MBP: variants seen among roughly 807,000 people sequenced by gnomAD.
MBP encodes Golli-MBP.
In MBP, 16 loss-of-function variants were observed where a neutral mutation model predicts 35.8. The observed-to-expected ratio is 0.45, with a 90% CI of 0.30 to 0.68. The LOEUF is 0.68. Among genes scored for constraint, MBP ranks in the 30% least tolerant of loss-of-function variants. MBP has a pLI of 0.08. For missense variants in MBP, 380 were observed against 404.7 expected, an observed-to-expected ratio of 0.94 and a Z score of 0.52; for synonymous variants, 143 against 159.6, an observed-to-expected ratio of 0.90 and a Z score of 0.78.
chr18:76,987,058 G>T, intron 7 of MBP: 1 of 985,460 alleles, frequency 1.0e-6, no homozygotes, highest in Non-Finnish European at 1.2e-6. Flanking sequence ...ACAGACATTA[G>T]TAGGACCCAA....
At position 76,989,608 on chromosome 18, in the gene MBP, G is replaced by A. The variant is rs1223433572; in HGVS notation, c.681+348C>T. 2 of 294,814 alleles carry A rather than the reference G, an allele frequency of 6.8e-6. No homozygotes were observed. Among genetic ancestry groups the A allele is most frequent in the Middle Eastern group, 1.1e-3 (1 of 892 alleles). 18.3% of individuals were successfully genotyped at this position (294,814 alleles called of 1,614,324 possible). A position where few individuals can be genotyped will look rare whatever the true frequency, so the allele number is the denominator to read the frequency against. On this transcript the variant is annotated intron_variant, in intron 5 of 8. Coordinates refer to ENST00000355994, the MANE Select transcript of MBP (RefSeq NM_001025101.2). The surrounding 1 kb of genome is among the most constrained non-coding windows in gnomAD (Gnocchi z 4.0). ...CCGAAAAATGCCCTAAAAATGCCCT[G>A]TGCTCTCTCTGCTGCCCCCTCCGCT... is the stretch of plus-strand genomic sequence containing the variant.
chr18:77,000,567 TTTGA>T (rs1366071416), intron 4 of MBP, among the ~76,000 whole-genome samples: 1 of 152,208 alleles, frequency 6.6e-6, no homozygotes, highest in African/African-American at 2.4e-5. Context: ...CATTAGGCTG[TTTGA>T]TTGCATGATT....
chr18:77,025,061 T>C (rs1291538277), intron 3 of MBP, among the ~76,000 whole-genome samples: 2 of 152,132 alleles, frequency 1.3e-5, no homozygotes, highest in Non-Finnish European at 2.9e-5. Flanking sequence ...GTGGTTTTAG[T>C]AGCCCTTTTA....
In MBP at chr18:77,101,658, CT is replaced by C. The variant is rs577613396; in HGVS notation, c.51+3552del. Among the ~76,000 whole-genome samples the C allele has an allele frequency of 4.6e-5, 7 of 152,182 alleles. No individual in the cohort carries two copies. The highest frequency in any genetic ancestry group is 1.0e-4 in the Non-Finnish European group (7 of 68,032). ...TAACACTGCAACTCCAGAAAAGTGT[CT>C]TTTTTTCACCAATCAGAGACATTCC... On this transcript the variant is annotated intron_variant, in intron 2 of 8. Coordinates refer to ENST00000355994, the MANE Select transcript of MBP (RefSeq NM_001025101.2). This position sits in a 1 kb window ranked among gnomAD's most constrained non-coding sequence, Gnocchi z 4.3.
At chr18:77,094,213 A>G (rs1026560690) in intron 2 of MBP, among the ~76,000 whole-genome samples, 2 of 152,172 alleles carry the variant, frequency 1.3e-5, no homozygotes, top group African/African-American at 4.8e-5. Context: ...TGACCTCGTG[A>G]TCTGCCTGCC....
chr18:77,052,571 A>T (rs1973532918), intron 3 of MBP, among the ~76,000 whole-genome samples: 1 of 152,222 alleles, frequency 6.6e-6, no homozygotes, highest in Non-Finnish European at 1.5e-5. Context: ...TTTGAAGGCC[A>T]GGATCGCTTA....
intron 3 of MBP, among the ~76,000 whole-genome samples, chr18:77,028,647 CGGGG>C (rs1972359942): frequency 1.5e-5 from 1 of 67,620 alleles, no homozygotes; most frequent in Non-Finnish European, 3.6e-5. Context: ...CCCTCCCGGA[CGGGG>C]CAGCTGGCTG....
chr18:77,008,081 C>T (rs1303340782), intron 4 of MBP, among the ~76,000 whole-genome samples: 8 of 152,212 alleles, frequency 5.3e-5, no homozygotes, highest in African/African-American at 1.9e-4. Flanking sequence ...CTGAGGACAG[C>T]GTGCCTCTCG....
intron 2 of MBP, among the ~76,000 whole-genome samples, chr18:77,070,209 T>TG (rs1974383416): frequency 6.6e-6 from 1 of 152,198 alleles, no homozygotes; most frequent in Non-Finnish European, 1.5e-5. Context: ...GGATGGGTCC[T>TG]GGCAGCTCAG....
intron 8 of MBP, chr18:76,980,858 C>G (rs1445099858): frequency 4.9e-6 from 1 of 204,608 alleles, no homozygotes; most frequent in African/African-American, 2.3e-5. Flanking sequence ...CTGCCAGCGA[C>G]AACAGGAGCA....
intron 1 of MBP, among the ~76,000 whole-genome samples, chr18:77,116,503 C>T (rs1976664888): frequency 2.0e-5 from 3 of 152,170 alleles, no homozygotes; most frequent in Non-Finnish European, 4.4e-5. Flanking sequence ...CAGCCAGCAT[C>T]GACGGGGCGC....
chr18:77,131,077 ACGCACGCG>A lies in MBP; in HGVS notation c.-26+1495_-26+1502del, dbSNP rs370946498. Among the ~76,000 whole-genome samples the A allele has an allele frequency of 0.34, 45,193 of 132,908 alleles. 8,225 individuals are homozygous for A. The highest frequency in any genetic ancestry group is 0.44 in the South Asian group (1,854 of 4,238). The allele number at this position is 132,908 out of a possible 152,430, so 87.2% of individuals were successfully genotyped here. A position where few individuals can be genotyped will look rare whatever the true frequency, so the allele number is the denominator to read the frequency against. Reference sequence around the variant, plus strand: ...AAAAACAAAACACACACACGCGCGCACGCACGCGCACACACACACACACACACACACAC... The same window carrying A: ...AAAAACAAAACACACACACGCGCGCACACACACACACACACACACACACAC... On this transcript the variant is annotated intron_variant, in intron 1 of 8. Transcript: ENST00000355994. The surrounding 1 kb of genome is among the most constrained non-coding windows in gnomAD (Gnocchi z 5.5).
chr18:77,065,975 A>G (rs1974178317), intron 3 of MBP: 3 of 259,762 alleles, frequency 1.2e-5, no homozygotes, highest in Admixed American at 9.7e-5. Context: ...CTCTCACTTC[A>G]GCCTCCCAAG....
intron 4 of MBP, among the ~76,000 whole-genome samples, chr18:76,997,828 T>A (rs1395933350): frequency 1.3e-5 from 2 of 152,036 alleles, no homozygotes; most frequent in African/African-American, 4.8e-5. Context: ...GACTAGAGGC[T>A]CCGCCACCAC....
intron 2 of MBP, among the ~76,000 whole-genome samples, chr18:77,096,882 G>A (rs1478907567): frequency 2.1e-4 from 32 of 152,244 alleles, no homozygotes; most frequent in Non-Finnish European, 4.4e-5. Context: ...AGTTTCATAT[G>A]AGAAAAAGAA....
At chr18:77,054,859 T>A (rs1486566526) in intron 3 of MBP, among the ~76,000 whole-genome samples, 1 of 152,134 alleles carries the variant, frequency 6.6e-6, no homozygotes, top group African/African-American at 2.4e-5. Context: ...CATGCACACA[T>A]CCTGTTTTCT....
chr18:77,043,461 G>A (rs1973095106), intron 3 of MBP, among the ~76,000 whole-genome samples: 1 of 152,210 alleles, frequency 6.6e-6, no homozygotes, highest in Non-Finnish European at 1.5e-5. Flanking sequence ...ATTTCTGAGT[G>A]CTGGTTATCG....
At position 76,979,852 on chromosome 18, in the gene MBP, C is replaced by T. The variant is rs1177265894; in HGVS notation, c.*575G>A. Reference sequence around the variant, plus strand: ...CCCACGTTGGACTCTAACAGCTGCCCAGCCCGCATGTCACATACCAAAAGC... The same window carrying T: ...CCCACGTTGGACTCTAACAGCTGCCTAGCCCGCATGTCACATACCAAAAGC... On this transcript the variant is annotated 3_prime_UTR_variant, in exon 9 of 9. Coordinates refer to ENST00000355994, the MANE Select transcript of MBP (RefSeq NM_001025101.2). 1 of 661,544 alleles carries T rather than the reference C, an allele frequency of 1.5e-6. No individual in the cohort carries two copies. Among genetic ancestry groups the T allele is most frequent in the Non-Finnish European group, 2.7e-6 (1 of 366,012 alleles). 41.0% of individuals were successfully genotyped at this position (661,544 alleles called of 1,614,324 possible). A position where few individuals can be genotyped will look rare whatever the true frequency, so the allele number is the denominator to read the frequency against.
chr18:77,119,455 G>T (rs1488415249), intron 1 of MBP, among the ~76,000 whole-genome samples: 1 of 151,954 alleles, frequency 6.6e-6, no homozygotes, highest in African/African-American at 2.4e-5. Flanking sequence ...CAGGCACATG[G>T]TACATGGTAG....
Sources: allele counts gnomAD v4.1 joint callset (sites outside exome capture counted in the v4.1 genomes callset), GRCh38; gene constraint gnomAD v4.1.1; non-coding constraint Gnocchi (gnomAD v3.1); transcripts MANE v1.5; gene names NCBI Gene and HGNC (gene_info 2026-07-23, HGNC 2026-07-21).